Variants in LHX8 observed in about 807,000 individuals in gnomAD.
LHX8 encodes the protein LIM homeobox 8, also known as LIM/homeobox protein Lhx8.
Under a neutral mutation model 40.3 loss-of-function variants are expected in LHX8, and 12 were observed. The ratio of observed to expected loss-of-function variants is 0.30; its 90% CI spans 0.19 to 0.48. LHX8 has a LOEUF of 0.48. LHX8 is among the 20% of genes least tolerant of loss of function. The pLI is 0.99. For missense variants in LHX8, 344 were observed against 433.7 expected (o/e 0.79, Z 1.84); for synonymous variants, 179 against 162.0 (o/e 1.10, Z -0.80).
intron 8 of LHX8, among the ~76,000 whole-genome samples, chr1:75,157,865 A>G (rs779659942): frequency 3.3e-5 from 5 of 152,182 alleles, no homozygotes; most frequent in African/African-American, 4.8e-5. Context: ...ATATGCTGCT[A>G]TGGACTTTAT....
At chr1:75,173,738 G>A in the LHX8 span, among the ~76,000 whole-genome samples, 18 of 152,160 alleles carry the variant, frequency 1.2e-4, no homozygotes, top group East Asian at 3.1e-3. Flanking sequence ...TAAGGTGTAA[G>A]CAAGAAACCA....
the LHX8 span, among the ~76,000 whole-genome samples, chr1:75,169,661 C>T: frequency 6.6e-6 from 1 of 152,200 alleles, no homozygotes; most frequent in Non-Finnish European, 1.5e-5. Context: ...AATATTTAAA[C>T]TATCACTGAG....
chr1:75,178,293 C>G, the LHX8 span, among the ~76,000 whole-genome samples: 3 of 152,088 alleles, frequency 2.0e-5, no homozygotes, highest in Non-Finnish European at 4.4e-5. Flanking sequence ...GCTGTGAATC[C>G]ATCTGGTCCT....
At chr1:75,144,214 AT>A (rs1414789362) in intron 6 of LHX8, among the ~76,000 whole-genome samples, 1 of 152,160 alleles carries the variant, frequency 6.6e-6, no homozygotes, top group Non-Finnish European at 1.5e-5. Flanking sequence ...GAAACAAAGT[AT>A]TTTGTCCTGA....
chr1:75,136,335 A>G (rs1032889944), intron 1 of LHX8, among the ~76,000 whole-genome samples: 5 of 151,836 alleles, frequency 3.3e-5, no homozygotes, highest in Non-Finnish European at 7.4e-5. Context: ...CGGGGAACCG[A>G]CGTGCCCGGG....
chr1:75,136,663 C>G lies in LHX8; in HGVS notation c.49C>G (p.Arg17Gly), dbSNP rs1414870487. 6.5e-6 allele frequency: 10 copies of G among 1,547,874 alleles called. No individual in the cohort carries two copies. Among genetic ancestry groups the G allele is most frequent in the Non-Finnish European group, 8.7e-6 (10 of 1,146,698 alleles). ...RTTALAAGRT[R>G]KGAGEEGLVS... ...TACAGCCCTGGCGGCCGGGAGGACTCGCAAAGGCGCCGGGGAAGAGGGACT... is the reference window on the plus strand; with the variant it reads ...TACAGCCCTGGCGGCCGGGAGGACTGGCAAAGGCGCCGGGGAAGAGGGACT... Residue 17 changes from arginine (R) to glycine (G), a missense_variant, in exon 2 of 9, where the codon CGC (arginine) becomes GGC (glycine). Around this residue, in one of 3 missense-constraint regions of LHX8, gnomAD observed 108 missense variants for 90.1 expected, o/e 1.20. Transcript: ENST00000356261.
intron 7 of LHX8, among the ~76,000 whole-genome samples, chr1:75,153,503 C>T (rs1200467835): frequency 1.8e-5 from 2 of 109,670 alleles, no homozygotes; most frequent in African/African-American, 3.9e-5. Flanking sequence ...ACCTCTGCCT[C>T]CTGGGCTCGA....
chr1:75,157,764 TTA>T, intron 8 of LHX8, among the ~76,000 whole-genome samples: 1 of 152,364 alleles, frequency 6.6e-6, no homozygotes, highest in Admixed American at 6.5e-5. Flanking sequence ...GTTTTCATTG[TTA>T]TATAGAAATC....
Position 75,158,665 on chromosome 1 carries a change from G to A in LHX8, c.964+1589G>A, listed in dbSNP as rs911843793. 7.2e-5 allele frequency among the ~76,000 whole-genome samples: 11 copies of A among 152,076 alleles called. No individual in the cohort carries two copies. The South Asian group carries it at 8.3e-4, about 11-fold the overall frequency. On this transcript the variant is annotated intron_variant, in intron 8 of 8. Transcript: ENST00000356261. ...CATATTTGCCATAAATCAAATGTCC[G>A]TATGTTGTGTCAATTTCTGTACCTT...
intron 6 of LHX8, among the ~76,000 whole-genome samples, chr1:75,147,037 C>T (rs1197060592): frequency 6.6e-6 from 1 of 152,074 alleles, no homozygotes; most frequent in Non-Finnish European, 1.5e-5. Context: ...TGTTCAACTG[C>T]ATAGAAACAT....
chr1:75,167,405 T>C, the LHX8 span, among the ~76,000 whole-genome samples: 1 of 152,200 alleles, frequency 6.6e-6, no homozygotes, highest in African/African-American at 2.4e-5. Flanking sequence ...ATTTATTCCT[T>C]GGTAAACTAA....
chr1:75,196,504 A>G, the LHX8 span, among the ~76,000 whole-genome samples: 2 of 152,140 alleles, frequency 1.3e-5, no homozygotes, highest in Non-Finnish European at 1.5e-5. Flanking sequence ...TTGCCCTGCC[A>G]TAGTCGTGAA....
downstream of LHX8, among the ~76,000 whole-genome samples, chr1:75,163,516 A>G (rs1648972428): frequency 6.6e-6 from 1 of 152,188 alleles, no homozygotes; most frequent in Admixed American, 6.5e-5. Context: ...ACCGGAGGAG[A>G]TAAAGAAACT....
chr1:75,171,271 A>G, the LHX8 span, among the ~76,000 whole-genome samples: 1 of 152,128 alleles, frequency 6.6e-6, no homozygotes, highest in Non-Finnish European at 1.5e-5. Context: ...TGAGTTAATC[A>G]TTTGAGTGAG....
chr1:75,188,687 C>T, the LHX8 span, among the ~76,000 whole-genome samples: 2 of 152,136 alleles, frequency 1.3e-5, no homozygotes, highest in Admixed American at 6.5e-5. Context: ...TGTTCTCCAT[C>T]GGAAAATTAA....
the LHX8 span, among the ~76,000 whole-genome samples, chr1:75,181,724 A>AATGAG: frequency 3.0e-4 from 45 of 152,198 alleles, no homozygotes; most frequent in African/African-American, 1.1e-3. Context: ...GAGCAGTCCC[A>AATGAG]ATGAGATGAA....
At chr1:75,174,230 A>G in the LHX8 span, among the ~76,000 whole-genome samples, 1 of 152,112 alleles carries the variant, frequency 6.6e-6, no homozygotes, top group Non-Finnish European at 1.5e-5. Context: ...TTGGCAGCCT[A>G]GCAATTTGGT....
At chr1:75,141,199 A>C in intron 4 of LHX8, 93 bp downstream of exon 4, 1 of 1,356,242 alleles carries the variant, frequency 7.4e-7, no homozygotes, top group East Asian at 2.3e-5. Flanking sequence ...AGTTTTATTT[A>C]ATGAAGCCCA....
chr1:75,160,913 G>T lies in LHX8; in HGVS notation c.*18G>T. On this transcript the variant is annotated 3_prime_UTR_variant, in exon 9 of 9. Coordinates refer to ENST00000356261, the MANE Select transcript of LHX8 (RefSeq NM_001256114.2). ...ATACCTAATTCTTTTTTCAGGGATA[G>T]ACTTGATTAAGGATATAAATTTGTC... 6.5e-7 allele frequency: 1 copy of T among 1,545,304 alleles called. No individual in the cohort carries two copies. Among genetic ancestry groups the T allele is most frequent in the Non-Finnish European group, 8.9e-7 (1 of 1,117,478 alleles).
Sources: allele counts gnomAD v4.1 joint callset (sites outside exome capture counted in the v4.1 genomes callset), GRCh38; gene constraint gnomAD v4.1.1; regional missense constraint gnomAD v4.1.1; transcripts MANE v1.5; gene names NCBI Gene and HGNC (gene_info 2026-07-23, HGNC 2026-07-21).